Variants in FAT3 observed in about 807,000 individuals in gnomAD.
FAT3 encodes the protein FAT atypical cadherin 3, also known as protocadherin Fat 3.
Under a neutral mutation model 310.2 loss-of-function variants are expected in FAT3, and 95 were observed. The ratio of observed to expected loss-of-function variants is 0.31; its 90% CI spans 0.26 to 0.36. The LOEUF is 0.36. Among genes scored for constraint, FAT3 ranks in the 10% least tolerant of loss-of-function variants. The pLI is 1.00. For missense variants in FAT3, 5,408 were observed against 5,715.6 expected (o/e 0.95, Z 1.74); for synonymous variants, 2,314 against 2,192.9 (o/e 1.06, Z -1.54).
chr11:92,859,244 A>G lies in FAT3; in HGVS notation c.11580A>G (p.Lys3860=). ...AAAATAGCAAAGAAGAGGATTTCAA[A>G]CTAGCTCTGCGTCTTCGAACACTGC... ...LSENSKEEDF[K]LALRLRTLQS... The change falls in exon 21 of 28, where the codon AAA becomes AAG. Residue 3860 remains lysine, a synonymous_variant. Transcript: ENST00000525166. The G allele has an allele frequency of 6.2e-7, 1 of 1,613,856 alleles. No homozygotes were observed. Among genetic ancestry groups the G allele is most frequent in the Non-Finnish European group, 8.5e-7 (1 of 1,179,858 alleles).
intron 13 of FAT3, among the ~76,000 whole-genome samples, chr11:92,824,158 A>G (rs1353444876): frequency 6.6e-6 from 1 of 152,126 alleles, no homozygotes; most frequent in Admixed American, 6.6e-5. Flanking sequence ...GGAGTTTGAG[A>G]CCAGCCTGGC....
At chr11:92,417,079 C>T (rs1486688867) in intron 2 of FAT3, among the ~76,000 whole-genome samples, 1 of 152,190 alleles carries the variant, frequency 6.6e-6, no homozygotes, top group African/African-American at 2.4e-5. Flanking sequence ...ATAAGCTCTC[C>T]TTTTGGGTTT....
chr11:92,422,798 AG>A (rs2134985964), intron 2 of FAT3, among the ~76,000 whole-genome samples: 1 of 152,212 alleles, frequency 6.6e-6, no homozygotes, highest in East Asian at 1.9e-4. Context: ...ACTTGGTGGC[AG>A]GGAAGACTTT....
Position 92,478,934 on chromosome 11 carries a change from C to CTCTTTCTTTCTTTCTT in FAT3, c.3293-45694_3293-45679dup, listed in dbSNP as rs199741658. 5.4e-4 allele frequency among the ~76,000 whole-genome samples: 62 copies of CTCTTTCTTTCTTTCTT among 114,504 alleles called. 1 individual carries two copies. Among genetic ancestry groups the CTCTTTCTTTCTTTCTT allele is most frequent in the Admixed American group, 2.0e-3 (20 of 9,962 alleles). The allele number at this position is 114,504 out of a possible 152,430, so 75.1% of individuals were successfully genotyped here. ...CCTGGCTGGCTTTCTTTCTTTCCTT[C>CTCTTTCTTTCTTTCTT]TCTTTCTTTCTTTCTTTCTTTTCTT... On this transcript the variant is annotated intron_variant, in intron 2 of 27. Transcript: ENST00000525166.
intron 2 of FAT3, among the ~76,000 whole-genome samples, chr11:92,422,997 G>A (rs1950561999): frequency 6.6e-6 from 1 of 152,160 alleles, no homozygotes; most frequent in East Asian, 1.9e-4. Context: ...GGAAACTTGA[G>A]ATTCACTAAA....
At chr11:92,828,587 T>C (rs763943453) in intron 13 of FAT3, among the ~76,000 whole-genome samples, 2 of 151,592 alleles carry the variant, frequency 1.3e-5, no homozygotes, top group Non-Finnish European at 2.9e-5. Flanking sequence ...AGAAGGAAAA[T>C]GTATGAGGAG....
At chr11:92,234,932 G>A (rs11019880) in intron 1 of FAT3, among the ~76,000 whole-genome samples, 13,941 of 151,252 alleles carry the variant, frequency 0.092, 721 homozygotes, top group African/African-American at 0.14. Context: ...TTAGCTGGGC[G>A]TGGTGGCACA....
At chr11:92,401,070 A>G (rs1950001936) in intron 2 of FAT3, among the ~76,000 whole-genome samples, 1 of 152,178 alleles carries the variant, frequency 6.6e-6, no homozygotes, top group African/African-American at 2.4e-5. Context: ...CATTCTTACA[A>G]CAAGAGAAAA....
intron 1 of FAT3, among the ~76,000 whole-genome samples, chr11:92,233,068 T>C (rs549227144): frequency 6.6e-6 from 1 of 152,312 alleles, no homozygotes; most frequent in African/African-American, 2.4e-5. Context: ...GATATATTTC[T>C]TTTTGAACTG....
intron 1 of FAT3, among the ~76,000 whole-genome samples, chr11:92,333,216 C>T (rs769658178): frequency 6.6e-6 from 1 of 152,154 alleles, no homozygotes; most frequent in Non-Finnish European, 1.5e-5. Flanking sequence ...TGCCTTAGGT[C>T]ATTCAACTGC....
chr11:92,661,916 A>T (rs1942796664), intron 3 of FAT3, among the ~76,000 whole-genome samples: 3 of 152,224 alleles, frequency 2.0e-5, no homozygotes, highest in East Asian at 3.9e-4. Flanking sequence ...AAGAGCTTCA[A>T]GCAGATGTAA....
intron 12 of FAT3, among the ~76,000 whole-genome samples, chr11:92,809,561 C>T (rs574157943): frequency 6.6e-6 from 1 of 152,192 alleles, no homozygotes; most frequent in South Asian, 2.1e-4. Flanking sequence ...GAAGCTTCTC[C>T]GTGTAGCCAA....
chr11:92,405,747 G>A (rs745671962), intron 2 of FAT3, among the ~76,000 whole-genome samples: 3 of 151,834 alleles, frequency 2.0e-5, no homozygotes, highest in East Asian at 1.9e-4. Flanking sequence ...GCAAGACCCC[G>A]TCTCACAAGA....
intron 4 of FAT3, among the ~76,000 whole-genome samples, chr11:92,706,432 G>C (rs1301345888): frequency 6.6e-6 from 1 of 151,992 alleles, no homozygotes; most frequent in Non-Finnish European, 1.5e-5. Flanking sequence ...GGACGGGGAG[G>C]AACAGTGGAT....
At chr11:92,477,235 A>G (rs1952073481) in intron 2 of FAT3, among the ~76,000 whole-genome samples, 1 of 152,240 alleles carries the variant, frequency 6.6e-6, no homozygotes, top group South Asian at 2.1e-4. Flanking sequence ...CTTGTTTTAT[A>G]GAACAGATGA....
intron 3 of FAT3, among the ~76,000 whole-genome samples, chr11:92,556,267 T>C (rs568634993): frequency 2.6e-4 from 40 of 152,264 alleles, no homozygotes; most frequent in African/African-American, 9.6e-4. Flanking sequence ...TTTGCTATTC[T>C]TTTAGCTGTT....
intron 3 of FAT3, among the ~76,000 whole-genome samples, chr11:92,661,825 T>C (rs1030376408): frequency 2.6e-5 from 4 of 152,184 alleles, no homozygotes; most frequent in Admixed American, 6.6e-5. Flanking sequence ...TGGTTATTTA[T>C]ATAGTTCAGG....
At chr11:92,608,359 T>G (rs1940401682) in intron 3 of FAT3, among the ~76,000 whole-genome samples, 1 of 152,204 alleles carries the variant, frequency 6.6e-6, no homozygotes, top group Non-Finnish European at 1.5e-5. Context: ...CTTTTCGTTT[T>G]CAACTCCTTA....
chr11:92,792,736 A>T, intron 8 of FAT3, 31 bp from the exon 9 acceptor site: 1 of 1,601,446 alleles, frequency 6.2e-7, no homozygotes, highest in South Asian at 1.1e-5. Context: ...TTAAAATTTG[A>T]GTCCCACCAC....
Sources: gnomAD v4.1 joint callset for allele counts (sites outside exome capture counted in the v4.1 genomes callset) on GRCh38, gnomAD v4.1.1 for gene constraint, MANE v1.5 for transcripts, NCBI Gene and HGNC (gene_info 2026-07-23, HGNC 2026-07-21) for gene names.